Variants in ATG2B observed in about 807,000 individuals in gnomAD.
The protein encoded by ATG2B is autophagy-related protein 2 homolog B.
Under a neutral mutation model 241.3 loss-of-function variants are expected in ATG2B, and 121 were observed. The observed-to-expected ratio is 0.50, with a 90% CI of 0.43 to 0.58. The LOEUF is 0.58. ATG2B is among the 20% of genes least tolerant of loss of function. ATG2B has a pLI of 0.00. For synonymous variants in ATG2B, 858 were observed against 876.6 expected (o/e 0.98, Z 0.37); for missense variants, 2,306 against 2,491.6 (o/e 0.93, Z 1.59).
At chr14:96,349,422 T>G (rs887621839) in intron 1 of ATG2B, among the ~76,000 whole-genome samples, 1 of 152,132 alleles carries the variant, frequency 6.6e-6, no homozygotes, top group Non-Finnish European at 1.5e-5. Context: ...AAGGACGCCA[T>G]GATGAGATTC....
At chr14:96,322,897 T>C (rs1260946907) in intron 16 of ATG2B, among the ~76,000 whole-genome samples, 162 bp from the exon 17 acceptor site, 1 of 152,230 alleles carries the variant, frequency 6.6e-6, no homozygotes, top group African/African-American at 2.4e-5. Context: ...CTTATGAACA[T>C]GTTGTAAACT....
At chr14:96,358,829 A>G (rs944722650) in intron 1 of ATG2B, among the ~76,000 whole-genome samples, 10 of 152,110 alleles carry the variant, frequency 6.6e-5, no homozygotes, top group Admixed American at 5.9e-4. Context: ...AGACACCTGA[A>G]CTACTCAGCA....
Position 96,317,717 on chromosome 14 carries a change from A to C in ATG2B, c.3018T>G (p.Phe1006Leu). ...TATTACCATAGTGAACTGCAGATTT[A>C]AATGCACTAAAACTATCTTTGTTGA... ...NTFNKDSFSA[F>L]KSAVHYDEES... is the part of the protein sequence containing the mutation. The change falls in exon 19 of 42, where the codon TTT (phenylalanine) becomes TTG (leucine). Residue 1006 changes from phenylalanine (F) to leucine (L), a missense_variant. Physicochemically the swap from Phe to Leu is conservative, Grantham distance 22. This residue lies in a region of ATG2B where 1,927 missense variants were observed against 2,011.2 expected (regional missense o/e 0.96). Transcript: ENST00000359933. 4.3e-6 allele frequency: 7 copies of C among 1,609,194 alleles called. No individual in the cohort carries two copies. The highest frequency in any genetic ancestry group is 5.9e-6 in the Non-Finnish European group (7 of 1,177,320).
intron 34 of ATG2B, among the ~76,000 whole-genome samples, chr14:96,298,587 T>G (rs1262879451): frequency 6.6e-6 from 1 of 152,170 alleles, no homozygotes; most frequent in Non-Finnish European, 1.5e-5. Context: ...AAAATCCTAC[T>G]CAGCAATAAA....
chr14:96,312,947 C>A (rs1389056401), intron 25 of ATG2B, 118 bp downstream of exon 25: 7 of 569,522 alleles, frequency 1.2e-5, no homozygotes, highest in Non-Finnish European at 1.8e-5. Flanking sequence ...AAGGTTATAA[C>A]TATTAGTAAA....
intron 23 of ATG2B, among the ~76,000 whole-genome samples, chr14:96,314,735 CTT>C (rs1225354836): frequency 1.3e-5 from 2 of 152,204 alleles, no homozygotes; most frequent in African/African-American, 2.4e-5. Context: ...GAGCTTCGCT[CTT>C]GTCGCCAGAC....
chr14:96,319,063 T>C (rs1259996682), intron 18 of ATG2B, among the ~76,000 whole-genome samples: 1 of 152,192 alleles, frequency 6.6e-6, no homozygotes, highest in Non-Finnish European at 1.5e-5. Flanking sequence ...TAAAGCCTGG[T>C]GTGAATACCG....
intron 26 of ATG2B, among the ~76,000 whole-genome samples, 155 bp downstream of exon 26, chr14:96,311,934 A>G (rs1384981168): frequency 6.6e-6 from 1 of 152,234 alleles, no homozygotes; most frequent in East Asian, 1.9e-4. Context: ...TATATACCAC[A>G]TGATCACTAT....
chr14:96,291,152 TAC>T (rs898982548), intron 38 of ATG2B, among the ~76,000 whole-genome samples: 2 of 152,214 alleles, frequency 1.3e-5, no homozygotes, highest in African/African-American at 4.8e-5. Context: ...TATACATACA[TAC>T]ACACACACAT....
chr14:96,300,106 A>G (rs1280496), intron 34 of ATG2B, among the ~76,000 whole-genome samples: 114,407 of 152,124 alleles, frequency 0.75, 43,256 homozygotes, highest in East Asian at 0.83. Flanking sequence ...TTCTTCCTCA[A>G]GGTAGTCATA....
At chr14:96,360,933 C>A (rs1257354515) in intron 1 of ATG2B, among the ~76,000 whole-genome samples, 25 of 73,690 alleles carry the variant, frequency 3.4e-4, no homozygotes, top group South Asian at 6.0e-4. Context: ...AATCCTCTAC[C>A]AAAAAAAAAA....
intron 34 of ATG2B, among the ~76,000 whole-genome samples, chr14:96,301,717 T>C (rs552445205): frequency 6.6e-6 from 1 of 152,326 alleles, no homozygotes; most frequent in East Asian, 1.9e-4. Context: ...TGAAAATGTA[T>C]GCATATCTGA....
intron 1 of ATG2B, among the ~76,000 whole-genome samples, chr14:96,358,825 C>G (rs952139354): frequency 6.6e-6 from 1 of 151,912 alleles, no homozygotes; most frequent in Non-Finnish European, 1.5e-5. Context: ...GTGGAGACAC[C>G]TGAACTACTC....
rs952676517 is a variant in ATG2B at position 96,280,847 on chromosome 14, A to T, written c.*4908T>A. ...CAGTGAGCTAAGATTGCTCCATTGT[A>T]CTCCAGCCTGGGCAACAAGAGCAAA... On this transcript the variant is annotated 3_prime_UTR_variant, in exon 42 of 42. Coordinates refer to ENST00000359933, the MANE Select transcript of ATG2B (RefSeq NM_018036.7). 2.0e-5 allele frequency: 3 copies of T among 152,360 alleles called. No individual in the cohort carries two copies. The highest frequency in any genetic ancestry group is 2.0e-4 in the Admixed American group (3 of 15,302). 9.4% of individuals were successfully genotyped at this position (152,360 alleles called of 1,614,324 possible).
chr14:96,324,812 A>T (rs1887547388), intron 15 of ATG2B, among the ~76,000 whole-genome samples: 1 of 152,196 alleles, frequency 6.6e-6, no homozygotes, highest in Non-Finnish European at 1.5e-5. Context: ...TCATGAAGTC[A>T]TAATTGACAA....
chr14:96,320,652 T>C (rs1185900309), intron 18 of ATG2B, among the ~76,000 whole-genome samples: 1 of 152,186 alleles, frequency 6.6e-6, no homozygotes. Context: ...AAGTGAATGT[T>C]TAAGGTATGT....
intron 29 of ATG2B, among the ~76,000 whole-genome samples, chr14:96,308,282 A>ATATATATATATATT (rs1566720002): frequency 5.4e-5 from 2 of 37,036 alleles, no homozygotes; most frequent in Admixed American, 4.3e-4. Context: ...ATATATATAT[A>ATATATATATATATT]TTTTTTTTTT....
intron 32 of ATG2B, among the ~76,000 whole-genome samples, chr14:96,304,129 C>A (rs1046659552): frequency 1.3e-5 from 2 of 152,198 alleles, no homozygotes; most frequent in Non-Finnish European, 2.9e-5. Context: ...CAGGCTTTCC[C>A]AGACAGATGC....
intron 1 of ATG2B, among the ~76,000 whole-genome samples, chr14:96,350,631 T>C (rs546645078): frequency 6.6e-6 from 1 of 152,366 alleles, no homozygotes; most frequent in African/African-American, 2.4e-5. Flanking sequence ...CCAGCTTATA[T>C]GTAAAGTGCT....
Sources: gnomAD v4.1 joint callset for allele counts (sites outside exome capture counted in the v4.1 genomes callset) on GRCh38, gnomAD v4.1.1 for gene constraint, gnomAD v4.1.1 regional missense constraint, MANE v1.5 for transcripts, NCBI Gene and HGNC (gene_info 2026-07-23, HGNC 2026-07-21) for gene names.